The following HERC3 variants were observed in gnomAD, a reference collection of about 807,000 sequenced individuals.
HERC3 encodes the protein probable E3 ubiquitin-protein ligase HERC3.
Under a neutral mutation model 129.9 loss-of-function variants are expected in HERC3, and 58 were observed. That is an observed-to-expected ratio of 0.45 (90% CI 0.36 to 0.56). The LOEUF is 0.56. Among genes scored for constraint, HERC3 ranks in the 20% least tolerant of loss-of-function variants. The pLI is 0.00. For synonymous variants in HERC3, 430 were observed against 451.0 expected (o/e 0.95, Z 0.59); for missense variants, 835 against 1,244.2 (o/e 0.67, Z 4.95).
At chr4:88,677,026 G>A (rs1241434653) in intron 18 of HERC3, among the ~76,000 whole-genome samples, 9 of 152,016 alleles carry the variant, frequency 5.9e-5, no homozygotes, top group South Asian at 2.1e-4. Context: ...TCTCAGCTAC[G>A]CGGGAGGCTG....
the HERC3 span, among the ~76,000 whole-genome samples, chr4:88,565,647 C>T: frequency 3.3e-5 from 5 of 152,206 alleles, no homozygotes; most frequent in East Asian, 9.6e-4. Context: ...TTGTAGGCAA[C>T]AGATTGCCAG....
chr4:88,669,780 A>G (rs1731418803), intron 14 of HERC3, 80 bp from the exon 15 acceptor site: 7 of 1,244,952 alleles, frequency 5.6e-6, no homozygotes, highest in Non-Finnish European at 5.7e-6. Context: ...TAGACAAAGC[A>G]ATTTTTAACT....
chr4:88,597,390 A>G (rs149713291), intron 2 of HERC3, among the ~76,000 whole-genome samples: 20 of 152,238 alleles, frequency 1.3e-4, no homozygotes, highest in Non-Finnish European at 2.4e-4. Context: ...TTGTATCTCC[A>G]TTTATTAGTA....
the HERC3 span, among the ~76,000 whole-genome samples, chr4:88,542,038 T>C: frequency 6.6e-6 from 1 of 151,952 alleles, no homozygotes; most frequent in Non-Finnish European, 1.5e-5. Context: ...TTAAAAGAAC[T>C]AGAGAAGCAA....
chr4:88,704,663 C>T, intron 25 of HERC3, 53 bp downstream of exon 25: 1 of 1,102,614 alleles, frequency 9.1e-7, no homozygotes, highest in Non-Finnish European at 1.4e-6. Context: ...GTCTTACATA[C>T]AGTATAGGAT....
At chr4:88,621,440 A>G (rs906888674) in intron 3 of HERC3, among the ~76,000 whole-genome samples, 5 of 152,174 alleles carry the variant, frequency 3.3e-5, no homozygotes, top group Admixed American at 3.3e-4. Context: ...GAATGATTAT[A>G]TTGTGAAACA....
the HERC3 span, among the ~76,000 whole-genome samples, chr4:88,565,811 C>T: frequency 6.6e-6 from 1 of 152,064 alleles, no homozygotes; most frequent in Non-Finnish European, 1.5e-5. Context: ...GGTTTTCATC[C>T]ACATCAGACT....
At chr4:88,609,453 G>A (rs969123675) in intron 3 of HERC3, among the ~76,000 whole-genome samples, 2 of 152,188 alleles carry the variant, frequency 1.3e-5, no homozygotes, top group African/African-American at 4.8e-5. Flanking sequence ...TCACCATCCC[G>A]TGTAAAGGCT....
chr4:88,680,914 G>A (rs1732707539), intron 20 of HERC3: 2 of 524,414 alleles, frequency 3.8e-6, no homozygotes, highest in South Asian at 8.3e-5. Flanking sequence ...TCTGTTGGAT[G>A]GCCCTGCTCT....
At chr4:88,681,093 G>C (rs2298736) in intron 20 of HERC3, 66 bp from the exon 21 acceptor site, 27 of 1,485,332 alleles carry the variant, frequency 1.8e-5, no homozygotes, top group Non-Finnish European at 2.4e-5. Flanking sequence ...TGAGGGAAAT[G>C]GTAGAATGTT....
intron 10 of HERC3, among the ~76,000 whole-genome samples, chr4:88,661,173 G>A (rs1038209852): frequency 1.8e-4 from 27 of 152,110 alleles, no homozygotes; most frequent in Admixed American, 1.7e-3. Context: ...TAAAATTTAC[G>A]TAACAACAGT....
At chr4:88,698,321 G>T (rs566742256) in intron 23 of HERC3, among the ~76,000 whole-genome samples, 175 of 152,228 alleles carry the variant, frequency 1.1e-3, no homozygotes, top group Middle Eastern at 3.4e-3. Context: ...GCATGTGTGT[G>T]GATAGGGCAG....
chr4:88,578,465 C>G, the HERC3 span, among the ~76,000 whole-genome samples: 1 of 151,796 alleles, frequency 6.6e-6, no homozygotes, highest in Non-Finnish European at 1.5e-5. Flanking sequence ...GCCTGTAGTC[C>G]CAGCTACTCG....
intron 3 of HERC3, among the ~76,000 whole-genome samples, chr4:88,606,802 C>T (rs1335478933): frequency 1.3e-5 from 2 of 152,182 alleles, no homozygotes; most frequent in African/African-American, 2.4e-5. Context: ...GGATCCCTCC[C>T]ATAACATGTG....
intron 21 of HERC3, among the ~76,000 whole-genome samples, chr4:88,682,488 A>G (rs1239128095): frequency 5.3e-5 from 5 of 93,622 alleles, no homozygotes; most frequent in Non-Finnish European, 1.0e-4. Flanking sequence ...CCACCCCACA[A>G]CAGGCCCCAG....
chr4:88,576,572 C>T, the HERC3 span, among the ~76,000 whole-genome samples: 387 of 152,222 alleles, frequency 2.5e-3, 3 homozygotes, highest in African/African-American at 8.9e-3. Flanking sequence ...AAGGTTTTGA[C>T]TTAAATGTTT....
At chr4:88,608,274 C>T (rs1723893052) in intron 3 of HERC3, among the ~76,000 whole-genome samples, 2 of 152,172 alleles carry the variant, frequency 1.3e-5, no homozygotes, top group South Asian at 2.1e-4. Flanking sequence ...CTTCCAATTC[C>T]TCATTCTTTG....
chr4:88,645,501 T>C (rs1728592888), intron 3 of HERC3, among the ~76,000 whole-genome samples: 1 of 152,156 alleles, frequency 6.6e-6, no homozygotes, highest in Admixed American at 6.6e-5. Flanking sequence ...TTGTATATAC[T>C]GTATATAGTA....
chr4:88,672,272 C>G (rs1435932891), intron 16 of HERC3, among the ~76,000 whole-genome samples: 1 of 152,086 alleles, frequency 6.6e-6, no homozygotes, highest in Non-Finnish European at 1.5e-5. Flanking sequence ...GTAACTTTTA[C>G]AATATTTTAA....
Sources: gnomAD v4.1 joint callset for allele counts (sites outside exome capture counted in the v4.1 genomes callset) on GRCh38, gnomAD v4.1.1 for gene constraint, MANE v1.5 for transcripts, NCBI Gene and HGNC (gene_info 2026-07-23, HGNC 2026-07-21) for gene names.